The following IFT140 variants were observed in gnomAD, a reference collection of about 807,000 sequenced individuals.
IFT140 encodes intraflagellar transport 140.
A neutral mutation model predicts 164.6 loss-of-function variants in IFT140; 133 were observed. That is an observed-to-expected ratio of 0.81 (90% CI 0.70 to 0.93). The LOEUF (loss-of-function observed/expected upper bound fraction) is 0.93. Ranked by LOEUF, IFT140 falls within the 40% of genes least tolerant of loss-of-function variation. The pLI is 0.00. For missense variants in IFT140, 2,045 were observed against 1,972.3 expected (o/e 1.04, Z -0.70); for synonymous variants, 860 against 817.3 (o/e 1.05, Z -0.89).
chr16:1,564,289 G>T lies in IFT140; in HGVS notation c.1902-127C>A. The T allele has an allele frequency of 1.4e-6, 1 of 701,802 alleles. No individual in the cohort carries two copies. The allele number at this position is 701,802 out of a possible 1,614,324, so 43.5% of individuals were successfully genotyped here. A position where few individuals can be genotyped will look rare whatever the true frequency, so the allele number is the denominator to read the frequency against. ...CCATGGTGTCCACGCGCTCAGCTCTGGGAGAACTTTTGGGGTCTCACTGCC... is the reference window on the plus strand; with the variant it reads ...CCATGGTGTCCACGCGCTCAGCTCTTGGAGAACTTTTGGGGTCTCACTGCC... On this transcript the variant is annotated intron_variant, in intron 16 of 30. Transcript: ENST00000426508. This position sits in a 1 kb window ranked among gnomAD's most constrained non-coding sequence, Gnocchi z 5.5.
chr16:1,523,492 G>A (rs376076011), intron 26 of IFT140, 26 bp downstream of exon 26: 162 of 1,597,736 alleles, frequency 1.0e-4, no homozygotes, highest in Middle Eastern at 1.9e-4. Context: ...GCGTGGAGCC[G>A]AGCCCAGGCC....
Position 1,592,528 on chromosome 16 carries a change from G to A in IFT140, c.430C>T (p.Leu144=). ...AGGTGTTTCCCATACTCGTGTTTCAGCAGAGGCGTCCCTTGCACTCGGCCC... is the reference window on the plus strand; with the variant it reads ...AGGTGTTTCCCATACTCGTGTTTCAACAGAGGCGTCCCTTGCACTCGGCCC... ...QRGRVQGTPL[L]KHEYGKHLTH... Residue 144 remains leucine, a synonymous_variant, in exon 5 of 31, where the codon CTG becomes TTG. Transcript: ENST00000426508. 6.2e-7 allele frequency: 1 copy of A among 1,614,260 alleles called. No individual in the cohort carries two copies. The highest frequency in any genetic ancestry group is 8.5e-7 in the Non-Finnish European group (1 of 1,180,052).
In IFT140 at chr16:1,520,796, G is replaced by A. The variant is rs28718802; in HGVS notation, c.3466C>T (p.Leu1156=). Residue 1156 remains leucine, a synonymous_variant, in exon 27 of 31, where the codon CTG becomes TTG. Transcript: ENST00000426508. ...LLAARKYQEA[L]QLCLGQNMSI... ...ATGTTCTGCCCCAGGCACAGCTGCA[G>A]GGCTTCCTGATACTGCAAAGGTGCA... 23 of 1,603,620 alleles carry A rather than the reference G, an allele frequency of 1.4e-5. No homozygotes were observed. In the African/African-American group the frequency reaches 2.3e-4, roughly 16 times the overall value.
At chr16:1,524,010 C>T (rs1467658768) in intron 24 of IFT140, 54 bp from the exon 25 acceptor site, 19 of 1,584,254 alleles carry the variant, frequency 1.2e-5, no homozygotes, top group African/African-American at 8.1e-5. Flanking sequence ...TCCCCAGGTC[C>T]GCTGAGATTC....
At chr16:1,568,897 C>A (rs1027717168) in intron 14 of IFT140, among the ~76,000 whole-genome samples, 1 of 152,214 alleles carries the variant, frequency 6.6e-6, no homozygotes, top group Non-Finnish European at 1.5e-5. Context: ...CACAGTTTCC[C>A]GTCATAGGGA....
At chr16:1,609,840 G>C (rs2036251442) in intron 2 of IFT140, 1 of 152,196 alleles carries the variant, frequency 6.6e-6, no homozygotes, top group Non-Finnish European at 1.5e-5. Flanking sequence ...CTTCAGGTCG[G>C]AAACAAGTAC....
chr16:1,534,141 G>C, intron 19 of IFT140: 1 of 1,146,788 alleles, frequency 8.7e-7, no homozygotes, highest in South Asian at 1.6e-5. Flanking sequence ...CATCCCATGG[G>C]CCTCCGCCCG....
Position 1,603,743 on chromosome 16 carries a change from A to G in IFT140, c.148-1152T>C, listed in dbSNP as rs936645393. Among the ~76,000 whole-genome samples the G allele has an allele frequency of 3.9e-5, 6 of 152,292 alleles. No individual in the cohort carries two copies. The South Asian group carries it at 1.2e-3, about 32-fold the overall frequency. The stretch of plus-strand genomic sequence containing the variant: ...TGATCTGCCCGCCTCGGCCTCCCAA[A>G]GTGCAGGGATTACAGGCGTGAGCCA... On this transcript the variant is annotated intron_variant, in intron 3 of 30. Coordinates refer to ENST00000426508, the MANE Select transcript of IFT140 (RefSeq NM_014714.4).
At position 1,516,139 on chromosome 16, in the gene IFT140, C is replaced by CAAAAAAAAAAAAAAAAAAAAAAAAAAAA. The variant is rs869165237; in HGVS notation, c.4182+2049_4182+2076dup. Among the ~76,000 whole-genome samples, 5 of 46,024 alleles carry CAAAAAAAAAAAAAAAAAAAAAAAAAAAA rather than the reference C, an allele frequency of 1.1e-4. 2 individuals carry two copies. Among genetic ancestry groups the CAAAAAAAAAAAAAAAAAAAAAAAAAAAA allele is most frequent in the Admixed American group, 3.3e-4 (1 of 3,058 alleles). The allele number at this position is 46,024 out of a possible 152,430, so 30.2% of individuals were successfully genotyped here. A position where few individuals can be genotyped will look rare whatever the true frequency, so the allele number is the denominator to read the frequency against. ...GGCTACAAAGAGCAAAACTCTGTCT[C>CAAAAAAAAAAAAAAAAAAAAAAAAAAAA]AAAAAAAAAAAAAAAAAAAAAAAAA... On this transcript the variant is annotated intron_variant, in intron 30 of 30. Coordinates refer to ENST00000426508, the MANE Select transcript of IFT140 (RefSeq NM_014714.4).
chr16:1,588,055 C>T (rs199525056), intron 7 of IFT140, 31 bp from the exon 8 acceptor site: 60 of 1,600,596 alleles, frequency 3.7e-5, no homozygotes, highest in East Asian at 6.7e-5. Flanking sequence ...GCAGAGGCAC[C>T]GTGCTTGCTG....
intron 18 of IFT140, among the ~76,000 whole-genome samples, chr16:1,559,852 C>G (rs181211062): frequency 6.6e-6 from 1 of 152,216 alleles, no homozygotes; most frequent in East Asian, 1.9e-4. Flanking sequence ...GAAAACAACC[C>G]GGTGAAGCAA....
chr16:1,598,732 C>T (rs2035593600), intron 4 of IFT140, among the ~76,000 whole-genome samples: 1 of 152,276 alleles, frequency 6.6e-6, no homozygotes, highest in Admixed American at 6.5e-5. Flanking sequence ...CCCATCTGCA[C>T]CCCCTTCTTG....
chr16:1,593,124 G>A (rs528562468), intron 4 of IFT140, among the ~76,000 whole-genome samples: 2 of 152,316 alleles, frequency 1.3e-5, no homozygotes, highest in Admixed American at 1.3e-4. Context: ...GAAGGCAAAA[G>A]TTAAACTGTG....
chr16:1,547,450 A>AGTCTGCT lies in IFT140; in HGVS notation c.2399+10478_2399+10484dup, dbSNP rs1354701200. 2.0e-5 allele frequency among the ~76,000 whole-genome samples: 3 copies of AGTCTGCT among 152,316 alleles called. No homozygotes were observed. The East Asian group carries it at 5.8e-4, about 29-fold the overall frequency. Reference sequence around the variant, plus strand: ...ATGGAATCTTGCTCGCTGGTGAGAAAGTCTGCTGTTCTCTTAGACTTGGGA... The same window carrying AGTCTGCT: ...ATGGAATCTTGCTCGCTGGTGAGAAAGTCTGCTGTCTGCTGTTCTCTTAGACTTGGGA... On this transcript the variant is annotated intron_variant, in intron 19 of 30. Transcript: ENST00000426508.
intron 30 of IFT140, among the ~76,000 whole-genome samples, chr16:1,514,096 C>T (rs1049493497): frequency 1.6e-4 from 25 of 151,566 alleles, no homozygotes; most frequent in South Asian, 4.2e-4. Context: ...TGGCCAGGTG[C>T]GGTACCTCAC....
At chr16:1,598,493 T>G (rs966579610) in intron 4 of IFT140, among the ~76,000 whole-genome samples, 2 of 151,870 alleles carry the variant, frequency 1.3e-5, no homozygotes, top group Non-Finnish European at 2.9e-5. Flanking sequence ...CTCCTATAAA[T>G]GATATTCATC....
chr16:1,590,999 T>C (rs543151034), intron 6 of IFT140, among the ~76,000 whole-genome samples: 1 of 152,326 alleles, frequency 6.6e-6, no homozygotes, highest in Admixed American at 6.5e-5. Flanking sequence ...ATTTAATAAG[T>C]GCACAGTACG....
At chr16:1,559,393 G>A (rs1023023439) in intron 18 of IFT140, among the ~76,000 whole-genome samples, 2 of 152,130 alleles carry the variant, frequency 1.3e-5, no homozygotes, top group Middle Eastern at 3.2e-3. Context: ...TCTATCCCAC[G>A]TCACAGCTGA....
chr16:1,584,157 A>G (rs1245493963), intron 11 of IFT140, 60 bp downstream of exon 11: 4 of 1,493,884 alleles, frequency 2.7e-6, no homozygotes, highest in Non-Finnish European at 1.8e-6. Context: ...GCCCTGAACT[A>G]CCTGGCCATG....
Sources: gnomAD v4.1 joint callset for allele counts (sites outside exome capture counted in the v4.1 genomes callset) on GRCh38, gnomAD v4.1.1 for gene constraint, Gnocchi (gnomAD v3.1) non-coding constraint, MANE v1.5 for transcripts, NCBI Gene and HGNC (gene_info 2026-07-23, HGNC 2026-07-21) for gene names.